CAPZB: variants seen among roughly 807,000 people sequenced by gnomAD.
CAPZB encodes capping actin protein of muscle Z-line subunit beta, also known as F-actin-capping protein subunit beta.
In CAPZB, 2 loss-of-function variants were observed where a neutral mutation model predicts 38.1. The observed-to-expected ratio is 0.05, with a 90% confidence interval of 0.02 to 0.17. CAPZB has a LOEUF of 0.17. Among genes scored for constraint, CAPZB ranks in the 10% least tolerant of loss-of-function variants. The pLI is 1.00. For missense variants in CAPZB, 161 were observed against 334.2 expected, an observed-to-expected ratio of 0.48 and a Z score of 4.04; for synonymous variants, 107 against 127.4, an observed-to-expected ratio of 0.84 and a Z score of 1.08.
At chr1:19,379,194 G>T (rs867116305) in intron 3 of CAPZB, among the ~76,000 whole-genome samples, 2 of 151,612 alleles carry the variant, frequency 1.3e-5, no homozygotes, top group African/African-American at 4.8e-5. Flanking sequence ...CGCCTCCTGG[G>T]TTCAGGCGAT....
chr1:19,403,892 T>A (rs1570151765), intron 2 of CAPZB, among the ~76,000 whole-genome samples: 2 of 152,198 alleles, frequency 1.3e-5, no homozygotes, highest in South Asian at 2.1e-4. Flanking sequence ...TCTGCCTGCC[T>A]CCCTCCTGGA....
intron 1 of CAPZB, among the ~76,000 whole-genome samples, chr1:19,473,995 T>C (rs1211354265): frequency 2.0e-5 from 3 of 151,948 alleles, no homozygotes; most frequent in South Asian, 2.1e-4. Context: ...GCATTTTATG[T>C]ACATTCTTTT....
chr1:19,416,840 G>A, intron 2 of CAPZB, among the ~76,000 whole-genome samples: 1 of 114,248 alleles, frequency 8.8e-6, no homozygotes, highest in Non-Finnish European at 1.6e-5. Flanking sequence ...TAGCCTGGGT[G>A]ACAGAGCAAG....
chr1:19,476,172 A>G (rs569958135), intron 1 of CAPZB, among the ~76,000 whole-genome samples: 158 of 2,150 alleles, frequency 0.073, no homozygotes, highest in African/African-American at 0.17. Flanking sequence ...AAATAAGTAG[A>G]TAGATAGATA....
At chr1:19,401,070 C>T (rs1022312134) in intron 2 of CAPZB, among the ~76,000 whole-genome samples, 3 of 152,200 alleles carry the variant, frequency 2.0e-5, no homozygotes, top group Admixed American at 6.5e-5. Context: ...GCACGGACAC[C>T]AGGGGCATCC....
intron 2 of CAPZB, among the ~76,000 whole-genome samples, chr1:19,403,866 T>C (rs140197641): frequency 5.4e-4 from 83 of 152,320 alleles, no homozygotes; most frequent in Middle Eastern, 3.4e-3. Context: ...CAGCCTGAGC[T>C]GCACCCAGTG....
chr1:19,440,938 T>G (rs1434239386), intron 1 of CAPZB, among the ~76,000 whole-genome samples: 2 of 152,126 alleles, frequency 1.3e-5, no homozygotes, highest in Non-Finnish European at 2.9e-5. Flanking sequence ...CGGGTGCCTG[T>G]GGTCCCAGCT....
In CAPZB at chr1:19,403,382, G is replaced by A. The variant is rs11591068; in HGVS notation, c.93+16279C>T. 8.4e-3 allele frequency among the ~76,000 whole-genome samples: 1,283 copies of A among 152,336 alleles called. 15 individuals carry two copies. Among genetic ancestry groups the A allele is most frequent in the African/African-American group, 0.028 (1,151 of 41,570 alleles). On this transcript the variant is annotated intron_variant, in intron 2 of 8. Coordinates refer to ENST00000264202, the MANE Select transcript of CAPZB (RefSeq NM_004930.5). The stretch of plus-strand genomic sequence containing the variant: ...AGGGTGAGGGAAGTGAGGCTCCAGC[G>A]GAGATGGGAAGATGAGCAGTTAGAG...
intron 1 of CAPZB, among the ~76,000 whole-genome samples, chr1:19,421,060 G>A (rs1416034884): frequency 6.6e-6 from 1 of 152,100 alleles, no homozygotes; most frequent in Non-Finnish European, 1.5e-5. Context: ...TAAGGCAGAT[G>A]GAGTCCCCAA....
At chr1:19,461,430 A>C (rs1378643135) in intron 1 of CAPZB, among the ~76,000 whole-genome samples, 1 of 152,082 alleles carries the variant, frequency 6.6e-6, no homozygotes, top group East Asian at 1.9e-4. Flanking sequence ...GCGGAGCTTC[A>C]CCCAGCCTGA....
chr1:19,378,732 G>T, intron 3 of CAPZB, 79 bp from the exon 4 acceptor site: 1 of 784,600 alleles, frequency 1.3e-6, no homozygotes, highest in Admixed American at 2.1e-5. Context: ...CCTGAGCCCT[G>T]GCTATCTGAA....
intron 2 of CAPZB, among the ~76,000 whole-genome samples, chr1:19,390,644 T>C (rs1435877326): frequency 6.6e-6 from 1 of 151,836 alleles, no homozygotes; most frequent in Non-Finnish European, 1.5e-5. Context: ...CCACCGATAC[T>C]TTTGCCGGGC....
At chr1:19,343,019 G>A (rs1036330381) in intron 8 of CAPZB, among the ~76,000 whole-genome samples, 3 of 152,268 alleles carry the variant, frequency 2.0e-5, no homozygotes, top group South Asian at 2.1e-4. Context: ...TGGTATCGCC[G>A]CTGCAGAGGT....
intron 4 of CAPZB, among the ~76,000 whole-genome samples, chr1:19,367,994 G>A (rs2094099316): frequency 6.6e-6 from 1 of 152,176 alleles, no homozygotes; most frequent in Non-Finnish European, 1.5e-5. Context: ...TACCTCATGA[G>A]CCGTCAACAG....
intron 1 of CAPZB, among the ~76,000 whole-genome samples, chr1:19,464,250 CGAAAAA>C (rs2094561820): frequency 6.7e-6 from 1 of 149,592 alleles, no homozygotes; most frequent in African/African-American, 2.5e-5. Flanking sequence ...GAAAGAAAAC[CGAAAAA>C]GAAAAAGTCC....
At chr1:19,418,162 A>C (rs1228495269) in intron 2 of CAPZB, among the ~76,000 whole-genome samples, 3 of 150,582 alleles carry the variant, frequency 2.0e-5, no homozygotes, top group Admixed American at 1.3e-4. Flanking sequence ...AAAAAAAAAA[A>C]AAACCACCAC....
At chr1:19,346,967 G>A (rs538667662) in intron 6 of CAPZB, among the ~76,000 whole-genome samples, 1 of 151,756 alleles carries the variant, frequency 6.6e-6, no homozygotes, top group South Asian at 2.1e-4. Flanking sequence ...GGGATTACAG[G>A]TGCCCACCAC....
At chr1:19,396,162 G>GC (rs2094267662) in intron 2 of CAPZB, among the ~76,000 whole-genome samples, 1 of 152,226 alleles carries the variant, frequency 6.6e-6, no homozygotes, top group African/African-American at 2.4e-5. Flanking sequence ...ACAGGTTTGT[G>GC]ACATGCATGT....
At chr1:19,341,012 C>G (rs1202896424) in intron 8 of CAPZB, among the ~76,000 whole-genome samples, 1 of 152,000 alleles carries the variant, frequency 6.6e-6, no homozygotes. Context: ...GAAGCAGGGC[C>G]CAGGAGAAGC....
Sources: gnomAD v4.1 joint callset for allele counts (sites outside exome capture counted in the v4.1 genomes callset) on GRCh38, gnomAD v4.1.1 for gene constraint, MANE v1.5 for transcripts, NCBI Gene and HGNC (gene_info 2026-07-23, HGNC 2026-07-21) for gene names.